Variants in FRYL observed in about 807,000 individuals in gnomAD.
The protein encoded by FRYL is protein furry homolog-like.
A neutral mutation model predicts 351.2 loss-of-function variants in FRYL; 150 were observed. That is an observed-to-expected ratio of 0.43 (90% CI 0.37 to 0.49). The LOEUF is 0.49. FRYL is among the 20% of genes least tolerant of loss of function. FRYL has a pLI of 0.00. For missense variants in FRYL, 3,036 were observed against 3,619.3 expected (o/e 0.84, Z 4.13); for synonymous variants, 1,153 against 1,257.1 (o/e 0.92, Z 1.75).
rs544862937 is a variant in FRYL, at chr4:48,741,395, C to T, written c.-383-30697G>A. ...CTCTACTAAAAATACAAAAAATTAG[C>T]CAGGCTTGGTGGTACACGCCTGTAG... On this transcript the variant is annotated intron_variant, in intron 1 of 63. Transcript: ENST00000358350. Among the ~76,000 whole-genome samples, 29 of 152,166 alleles carry T rather than the reference C, an allele frequency of 1.9e-4. No homozygotes were observed. In the South Asian group the frequency reaches 6.0e-3, roughly 32 times the overall value.
chr4:48,541,506 T>A (rs1730156765), intron 45 of FRYL, among the ~76,000 whole-genome samples: 1 of 152,218 alleles, frequency 6.6e-6, no homozygotes. Flanking sequence ...TGGATAAATT[T>A]ATAGCCTGCT....
At chr4:48,632,417 A>G (rs1321816410) in intron 4 of FRYL, among the ~76,000 whole-genome samples, 1 of 150,468 alleles carries the variant, frequency 6.6e-6, no homozygotes, top group Non-Finnish European at 1.5e-5. Context: ...TTTATCATGT[A>G]ATTCAGAGAC....
intron 3 of FRYL, among the ~76,000 whole-genome samples, chr4:48,680,691 T>C (rs574609965): frequency 9.2e-5 from 14 of 152,222 alleles, no homozygotes; most frequent in African/African-American, 2.2e-4. Flanking sequence ...TTTCCAAAGA[T>C]CAAAACTATT....
chr4:48,586,552 A>C (rs1742150021), intron 19 of FRYL, 69 bp downstream of exon 19: 1 of 1,000,936 alleles, frequency 1.0e-6, no homozygotes, highest in African/African-American at 1.6e-5. Flanking sequence ...TAACAGTAAC[A>C]AAGGTATATT....
At chr4:48,699,189 AT>A (rs1766491073) in intron 2 of FRYL, among the ~76,000 whole-genome samples, 1 of 152,232 alleles carries the variant, frequency 6.6e-6, no homozygotes, top group Non-Finnish European at 1.5e-5. Context: ...TTAAAATGCA[AT>A]TATTTTCAAT....
intron 1 of FRYL, among the ~76,000 whole-genome samples, chr4:48,770,158 T>TTAA (rs1775368233): frequency 6.6e-6 from 1 of 152,224 alleles, no homozygotes; most frequent in Non-Finnish European, 1.5e-5. Flanking sequence ...GTTAAGGTTA[T>TTAA]TAATATGTTA....
rs182201803 is a variant in FRYL, at chr4:48,614,767, C to T, written c.411+4507G>A. ...AAGAGAAACTATAATAACAAATACT[C>T]AGGTTTATTCCAAGGCTATTTCCAC... On this transcript the variant is annotated intron_variant, in intron 7 of 63. Coordinates refer to ENST00000358350, the MANE Select transcript of FRYL (RefSeq NM_015030.2). 2.8e-5 allele frequency among the ~76,000 whole-genome samples: 4 copies of T among 142,396 alleles called. No homozygotes were observed. The East Asian group carries it at 8.4e-4, about 30-fold the overall frequency. 93.4% of individuals were successfully genotyped at this position (142,396 alleles called of 152,430 possible). A position where few individuals can be genotyped will look rare whatever the true frequency, so the allele number is the denominator to read the frequency against.
At chr4:48,542,189 AT>A in intron 44 of FRYL, 68 bp from the exon 45 acceptor site, 1 of 1,046,546 alleles carries the variant, frequency 9.6e-7, no homozygotes, top group South Asian at 1.3e-5. Flanking sequence ...GGACTTCCTA[AT>A]GGGATTTTAA....
At chr4:48,655,448 CATACT>C (rs1392514683) in intron 3 of FRYL, among the ~76,000 whole-genome samples, 1 of 151,928 alleles carries the variant, frequency 6.6e-6, no homozygotes, top group Non-Finnish European at 1.5e-5. Flanking sequence ...AGAAACACTA[CATACT>C]ATAATACATC....
intron 7 of FRYL, among the ~76,000 whole-genome samples, chr4:48,616,793 C>T (rs1302120264): frequency 6.6e-6 from 1 of 152,188 alleles, no homozygotes; most frequent in African/African-American, 2.4e-5. Context: ...AGACTGTGTG[C>T]CTCATCACAA....
At chr4:48,506,615 A>AATTAT (rs1721022690) in intron 59 of FRYL, 1 of 71,780 alleles carries the variant, frequency 1.4e-5, no homozygotes, top group Non-Finnish European at 2.4e-5. Flanking sequence ...CAATACAACT[A>AATTAT]ATATATATAT....
At chr4:48,515,306 T>C in intron 55 of FRYL, 31 bp from the exon 56 acceptor site, 1 of 1,507,884 alleles carries the variant, frequency 6.6e-7, no homozygotes. Flanking sequence ...TAGTGAACTA[T>C]AAACACATAA....
chr4:48,764,095 A>G (rs1011959232), intron 1 of FRYL, among the ~76,000 whole-genome samples: 3 of 152,140 alleles, frequency 2.0e-5, no homozygotes, highest in Non-Finnish European at 2.9e-5. Context: ...GCTTGAACAC[A>G]AGAAGCGAAG....
chr4:48,518,993 A>C (rs2148815110), intron 55 of FRYL, among the ~76,000 whole-genome samples: 1 of 152,348 alleles, frequency 6.6e-6, no homozygotes, highest in East Asian at 1.9e-4. Context: ...GCCTCAGTAG[A>C]TACTGGTCAC....
rs7677979 is a variant in FRYL, at chr4:48,523,323, G to A, written c.7318-219C>T. On this transcript the variant is annotated intron_variant, in intron 53 of 63. Coordinates refer to ENST00000358350, the MANE Select transcript of FRYL (RefSeq NM_015030.2). The stretch of plus-strand genomic sequence containing the variant: ...TATTTGGTTGACAACCTGTTTTAAC[G>A]AAATAATTTTCTTGACTTTCTATCT... 3.1e-3 allele frequency among the ~76,000 whole-genome samples: 467 copies of A among 152,152 alleles called. 1 individual carries two copies. The highest frequency in any genetic ancestry group is 0.011 in the African/African-American group (444 of 41,494).
intron 3 of FRYL, among the ~76,000 whole-genome samples, chr4:48,671,339 A>G (rs972882031): frequency 6.6e-6 from 1 of 152,196 alleles, no homozygotes; most frequent in African/African-American, 2.4e-5. Flanking sequence ...ATCATTTGGC[A>G]GTAGCTATAT....
In FRYL at chr4:48,713,114, G is replaced by A. The variant is rs6846753; in HGVS notation, c.-383-2416C>T. On this transcript the variant is annotated intron_variant, in intron 1 of 63. Transcript: ENST00000358350. Reference sequence around the variant, plus strand: ...TGGAAAGGAACGACCGGTACCAGCCGCTGCAAAATCATGCCAAAATGTAAA... The same window carrying A: ...TGGAAAGGAACGACCGGTACCAGCCACTGCAAAATCATGCCAAAATGTAAA... Among the ~76,000 whole-genome samples, 1,115 of 151,908 alleles carry A rather than the reference G, an allele frequency of 7.3e-3. 14 individuals carry two copies. The highest frequency in any genetic ancestry group is 0.025 in the African/African-American group (1,043 of 41,422).
intron 9 of FRYL, 143 bp downstream of exon 9, chr4:48,608,844 G>C (rs750044623): frequency 3.1e-6 from 2 of 639,268 alleles, no homozygotes; most frequent in Non-Finnish European, 5.6e-6. Context: ...CTGAGAAACA[G>C]AGCAGTAAAG....
intron 1 of FRYL, among the ~76,000 whole-genome samples, chr4:48,713,810 G>A (rs893592247): frequency 1.3e-5 from 2 of 152,158 alleles, no homozygotes; most frequent in South Asian, 2.1e-4. Context: ...CAAATCAACA[G>A]AATATACATT....
Sources: gnomAD v4.1 joint callset for allele counts (sites outside exome capture counted in the v4.1 genomes callset) on GRCh38, gnomAD v4.1.1 for gene constraint, MANE v1.5 for transcripts, NCBI Gene and HGNC (gene_info 2026-07-23, HGNC 2026-07-21) for gene names.